Variants in CHN2 observed in about 807,000 individuals in gnomAD.
CHN2 encodes the protein chimerin 2.
A neutral mutation model predicts 56.3 loss-of-function variants in CHN2; 35 were observed. The observed-to-expected ratio is 0.62, with a 90% confidence interval of 0.47 to 0.82. The LOEUF is 0.82. Among genes scored for constraint, CHN2 ranks in the 40% least tolerant of loss-of-function variants. The pLI, the probability that CHN2 is intolerant of heterozygous loss-of-function variation, is 0.00. For missense variants in CHN2, 491 were observed against 580.5 expected (o/e 0.85, Z 1.58); for synonymous variants, 210 against 212.8 (o/e 0.99, Z 0.12).
intron 6 of CHN2, among the ~76,000 whole-genome samples, chr7:29,421,923 T>C (rs1251692228): frequency 6.6e-6 from 1 of 152,210 alleles, no homozygotes; most frequent in East Asian, 1.9e-4. Flanking sequence ...ACTGAAATGC[T>C]GTCAGGCAAG....
intron 1 of CHN2, among the ~76,000 whole-genome samples, chr7:29,351,803 G>GGCCTGC (rs1472732003): frequency 1.3e-5 from 2 of 152,174 alleles, no homozygotes; most frequent in African/African-American, 4.8e-5. Flanking sequence ...AGTGATGCAG[G>GGCCTGC]ACCCATGGGC....
At position 29,400,276 on chromosome 7, in the gene CHN2, C is replaced by T. The variant is rs1370399961; in HGVS notation, c.291-267C>T. On this transcript the variant is annotated intron_variant, in intron 5 of 12. Coordinates refer to ENST00000222792, the MANE Select transcript of CHN2 (RefSeq NM_004067.4). ...CTCCATGTGATGTCCTGGGGTTAAG[C>T]CCCACCTCTGCCTCGTTCCAGTCAT... 3.6e-5 allele frequency: 18 copies of T among 497,818 alleles called. 1 individual carries two copies. The South Asian group carries it at 5.0e-4, about 14-fold the overall frequency. 30.8% of individuals were successfully genotyped at this position (497,818 alleles called of 1,614,324 possible).
chr7:29,446,547 G>A (rs1278127493), intron 6 of CHN2, among the ~76,000 whole-genome samples: 1 of 152,170 alleles, frequency 6.6e-6, no homozygotes, highest in African/African-American at 2.4e-5. Flanking sequence ...CAGATGCAGG[G>A]AGGGAGAACT....
chr7:29,182,331 C>A (rs1798162931), intron 2 of CHN2, among the ~76,000 whole-genome samples: 1 of 152,048 alleles, frequency 6.6e-6, no homozygotes, highest in African/African-American at 2.4e-5. Context: ...AGTGTTCCAC[C>A]TACCAATAAT....
At chr7:29,201,993 G>C (rs1448518680) in intron 1 of CHN2, among the ~76,000 whole-genome samples, 1 of 152,202 alleles carries the variant, frequency 6.6e-6, no homozygotes, top group Non-Finnish European at 1.5e-5. Context: ...TATAAACTCT[G>C]TAGTCCTGAG....
intron 2 of CHN2, among the ~76,000 whole-genome samples, chr7:29,175,331 C>T (rs552819150): frequency 1.2e-4 from 18 of 151,958 alleles, no homozygotes; most frequent in African/African-American, 2.9e-4. Context: ...CATGCCACCA[C>T]GCCTGACTAA....
chr7:29,288,492 C>G (rs1017266905), intron 1 of CHN2, among the ~76,000 whole-genome samples: 11 of 152,148 alleles, frequency 7.2e-5, no homozygotes, highest in African/African-American at 2.4e-4. Flanking sequence ...TCTTTTCTTT[C>G]TATATCCAAA....
At chr7:29,293,648 C>T (rs1416710742) in intron 1 of CHN2, among the ~76,000 whole-genome samples, 1 of 152,148 alleles carries the variant, frequency 6.6e-6, no homozygotes, top group Non-Finnish European at 1.5e-5. Flanking sequence ...GCTGTGCCTC[C>T]TGCTTCGAAT....
chr7:29,375,633 C>T (rs1331627113), intron 3 of CHN2, among the ~76,000 whole-genome samples: 2 of 152,176 alleles, frequency 1.3e-5, no homozygotes, highest in Non-Finnish European at 2.9e-5. Context: ...TTCTGCCATC[C>T]TCCTCTAGCC....
At chr7:29,273,377 A>ATATG (rs1790898885) in intron 1 of CHN2, among the ~76,000 whole-genome samples, 1 of 52,406 alleles carries the variant, frequency 1.9e-5, no homozygotes, top group Non-Finnish European at 3.4e-5. Context: ...ATATATATAT[A>ATATG]TATATATATA....
intron 1 of CHN2, among the ~76,000 whole-genome samples, chr7:29,349,344 A>C (rs953780508): frequency 6.6e-6 from 1 of 152,238 alleles, no homozygotes; most frequent in African/African-American, 2.4e-5. Flanking sequence ...ACAATGCTGT[A>C]TGTTGGGTGA....
chr7:29,506,504 G>A (rs1175169647), intron 10 of CHN2, among the ~76,000 whole-genome samples: 1 of 152,122 alleles, frequency 6.6e-6, no homozygotes, highest in African/African-American at 2.4e-5. Context: ...AGGCATGGTG[G>A]CACGTCCCTG....
In CHN2 at chr7:29,398,622, G is replaced by T. The variant is rs1249451084; in HGVS notation, c.290+136G>T. 8 of 625,510 alleles carry T rather than the reference G, an allele frequency of 1.3e-5. No individual in the cohort carries two copies. The South Asian group carries it at 1.5e-4, about 12-fold the overall frequency. 38.7% of individuals were successfully genotyped at this position (625,510 alleles called of 1,614,324 possible). On this transcript the variant is annotated intron_variant, in intron 5 of 12. Transcript: ENST00000222792. The stretch of plus-strand genomic sequence containing the variant: ...TCCCATGTTTATGTTATGAGGGGGG[G>T]GTCCCACTCTCTCACCCAGGCTGGA...
intron 7 of CHN2, among the ~76,000 whole-genome samples, chr7:29,487,864 G>T (rs1788214241): frequency 6.6e-6 from 1 of 152,190 alleles, no homozygotes; most frequent in African/African-American, 2.4e-5. Context: ...AATGCCAGTA[G>T]TGCTGAGACT....
intron 1 of CHN2, chr7:29,195,242 G>A (rs898894610): frequency 3.7e-5 from 16 of 432,704 alleles, no homozygotes; most frequent in Non-Finnish European, 5.7e-5. Flanking sequence ...GGTGTTCCGG[G>A]GCTTGGAGTG....
At chr7:29,444,901 C>T (rs116254881) in intron 6 of CHN2, among the ~76,000 whole-genome samples, 1,523 of 152,144 alleles carry the variant, frequency 0.01, 26 homozygotes, top group African/African-American at 0.035. Context: ...AGCAGGCATT[C>T]GATGGTTTGG....
chr7:29,339,305 C>T (rs1796856079), intron 1 of CHN2, among the ~76,000 whole-genome samples: 2 of 151,976 alleles, frequency 1.3e-5, no homozygotes, highest in Admixed American at 1.3e-4. Flanking sequence ...AACCAAATCT[C>T]CCTACCTCTC....
intron 6 of CHN2, among the ~76,000 whole-genome samples, chr7:29,416,900 C>T (rs1414188291): frequency 6.6e-6 from 1 of 152,214 alleles, no homozygotes; most frequent in African/African-American, 2.4e-5. Context: ...CATTTCCTCC[C>T]ATTGTGGAGC....
At chr7:29,355,261 G>A (rs888849287) in intron 2 of CHN2, among the ~76,000 whole-genome samples, 9 of 152,058 alleles carry the variant, frequency 5.9e-5, no homozygotes, top group Admixed American at 2.0e-4. Context: ...ATGAGCCACC[G>A]CGCCCAGCCA....
Sources: gnomAD v4.1 joint callset for allele counts (sites outside exome capture counted in the v4.1 genomes callset) on GRCh38, gnomAD v4.1.1 for gene constraint, MANE v1.5 for transcripts, NCBI Gene and HGNC (gene_info 2026-07-23, HGNC 2026-07-21) for gene names.